ELP1: variants seen among roughly 807,000 people sequenced by gnomAD.
ELP1 encodes the protein elongator acetyltransferase complex subunit 1, also known as elongator complex protein 1.
In ELP1, 131 loss-of-function variants were observed where a neutral mutation model predicts 183.2. That is an observed-to-expected ratio of 0.72 (90% CI 0.62 to 0.83). The LOEUF (loss-of-function observed/expected upper bound fraction) is 0.83, where lower values mean the gene tolerates loss of function less well. Among genes scored for constraint, ELP1 ranks in the 40% least tolerant of loss-of-function variants. ELP1 has a pLI of 0.00. For missense variants in ELP1, 1,550 were observed against 1,594.9 expected (o/e 0.97, Z 0.48); for synonymous variants, 555 against 569.0 (o/e 0.98, Z 0.35).
chr9:108,913,002 C>T (rs976980239), intron 10 of ELP1, among the ~76,000 whole-genome samples: 2 of 151,944 alleles, frequency 1.3e-5, no homozygotes, highest in African/African-American at 2.4e-5. Flanking sequence ...CCTTGTGATC[C>T]GCCTGCCTCG....
intron 20 of ELP1, 37 bp downstream of exon 20, chr9:108,899,785 C>G: frequency 1.1e-5 from 16 of 1,521,168 alleles, no homozygotes; most frequent in Non-Finnish European, 1.5e-5. Flanking sequence ...ACATAAATCA[C>G]AAGCTAACTA....
rs2132003172 is a variant in ELP1, at chr9:108,906,327, TCATC to T, written c.1615_1618del (p.Asp539LysfsTer18). On this transcript the variant is annotated frameshift_variant, in exon 14 of 37. Coordinates refer to ENST00000374647, the MANE Select transcript of ELP1 (RefSeq NM_003640.5). LOFTEE classifies it high-confidence loss of function. ...CCTGACATTGAGCTGTCCATGCTCT[TCATC>T]CATCTCAGAAGAAGCTGCAGTCAAA... 1 of 1,614,034 alleles carries T rather than the reference TCATC, an allele frequency of 6.2e-7. No homozygotes were observed. The highest frequency in any genetic ancestry group is 8.5e-7 in the Non-Finnish European group (1 of 1,179,886).
chr9:108,909,238 C>A (rs2132009527), intron 12 of ELP1, among the ~76,000 whole-genome samples: 1 of 152,226 alleles, frequency 6.6e-6, no homozygotes, highest in Middle Eastern at 3.4e-3. Flanking sequence ...ACAGCACTTG[C>A]CATCTGATAG....
rs1442136727 is a variant in ELP1, at chr9:108,894,023, A to C, written c.2780T>G (p.Met927Arg). 4.4e-6 allele frequency: 7 copies of C among 1,581,990 alleles called. No individual in the cohort carries two copies. Among genetic ancestry groups the C allele is most frequent in the Non-Finnish European group, 6.1e-6 (7 of 1,151,312 alleles). ...YLPFLNTLKK[M>R]ETNYQRFTID... ...AGTAAACCGCTGATAATTAGTTTCCATTTTCTTAAGTGTATTAAGAAATGG... is the reference window on the plus strand; with the variant it reads ...AGTAAACCGCTGATAATTAGTTTCCCTTTTCTTAAGTGTATTAAGAAATGG... Residue 927 changes from methionine (M) to arginine (R), a missense_variant, in exon 26 of 37, where the codon ATG becomes AGG. By Grantham distance (91) the Met-to-Arg change is moderately conservative (BLOSUM62 -1). Transcript: ENST00000374647.
At chr9:108,872,127 G>A (rs1406007708) in intron 36 of ELP1, among the ~76,000 whole-genome samples, 2 of 152,302 alleles carry the variant, frequency 1.3e-5, no homozygotes, top group East Asian at 1.9e-4. Flanking sequence ...TACATTAAAC[G>A]TGATAAAAAA....
At chr9:108,902,629 T>C (rs1828852836) in intron 16 of ELP1, among the ~76,000 whole-genome samples, 1 of 152,218 alleles carries the variant, frequency 6.6e-6, no homozygotes, top group African/African-American at 2.4e-5. Flanking sequence ...ATTATCTCAT[T>C]TAGTCTTCTG....
chr9:108,882,594 C>CTTTT (rs534835923), intron 29 of ELP1, among the ~76,000 whole-genome samples: 1 of 136,596 alleles, frequency 7.3e-6, no homozygotes, highest in Non-Finnish European at 1.6e-5. Context: ...TTTTTTTGTT[C>CTTTT]TTTTTTTTTT....
intron 28 of ELP1, 118 bp from the exon 29 acceptor site, chr9:108,889,511 G>T: frequency 1.1e-6 from 1 of 909,778 alleles, no homozygotes; most frequent in Non-Finnish European, 1.8e-6. Flanking sequence ...TTCTGTGAGG[G>T]AATAGGTATA....
intron 3 of ELP1, among the ~76,000 whole-genome samples, chr9:108,928,838 CA>C (rs545601009): frequency 5.8e-4 from 89 of 152,228 alleles, no homozygotes; most frequent in Non-Finnish European, 1.0e-3. Flanking sequence ...CCATGAACTG[CA>C]AGTAAAGGTT....
intron 6 of ELP1, 88 bp downstream of exon 6, chr9:108,922,754 C>T (rs770427522): frequency 2.2e-6 from 2 of 896,754 alleles, no homozygotes; most frequent in South Asian, 1.3e-5. Flanking sequence ...TCATTACTGG[C>T]ATCTAAGTGG....
chr9:108,926,593 G>T lies in ELP1; in HGVS notation c.396C>A (p.Thr132=). 1 of 1,612,126 alleles carries T rather than the reference G, an allele frequency of 6.2e-7. No homozygotes were observed. Residue 132 remains threonine (T), a synonymous_variant, in exon 5 of 37, where the codon ACC becomes ACA. Coordinates refer to ENST00000374647, the MANE Select transcript of ELP1 (RefSeq NM_003640.5). ...ELVLLATGQQ[T]LIMMTKDFEP... is the part of the protein sequence containing the mutation. ...CAAAATCTTTTGTCATCATAATCAG[G>T]GTCTGTTGACCTTAGAGAAACACAA...
At chr9:108,903,822 T>TACAC (rs1491534328) in intron 14 of ELP1, among the ~76,000 whole-genome samples, 153 bp from the exon 15 acceptor site, 156 of 55,234 alleles carry the variant, frequency 2.8e-3, no homozygotes, top group African/African-American at 8.1e-3. Flanking sequence ...CACCCAATAC[T>TACAC]ATACACACAC....
chr9:108,907,759 G>T (rs1459199641), intron 13 of ELP1, among the ~76,000 whole-genome samples: 4 of 152,160 alleles, frequency 2.6e-5, no homozygotes, highest in Non-Finnish European at 5.9e-5. Context: ...TCTCACAGAT[G>T]TGGCATTATA....
intron 14 of ELP1, among the ~76,000 whole-genome samples, chr9:108,904,068 C>T (rs1828925102): frequency 6.6e-6 from 1 of 152,154 alleles, no homozygotes; most frequent in Non-Finnish European, 1.5e-5. Context: ...AATATCATTT[C>T]TGTCTGCTTA....
At chr9:108,914,415 G>GGGT (rs1829354701) in intron 10 of ELP1, among the ~76,000 whole-genome samples, 1 of 47,146 alleles carries the variant, frequency 2.1e-5, no homozygotes, top group African/African-American at 1.0e-4. Context: ...AAAAAAAAAG[G>GGGT]GGGGGGGGGT....
rs144740518 is a variant in ELP1, at chr9:108,906,651, C to A, written c.1461-166G>T. On this transcript the variant is annotated intron_variant, in intron 13 of 36. Coordinates refer to ENST00000374647, the MANE Select transcript of ELP1 (RefSeq NM_003640.5). ...AAATACTACAAAATCTAAAATTAAT[C>A]TTTGTCTGGCTTAAGAATACGTTTT... Among the ~76,000 whole-genome samples the A allele has an allele frequency of 1.8e-3, 277 of 152,276 alleles. 2 individuals are homozygous for A. The highest frequency in any genetic ancestry group is 6.3e-3 in the African/African-American group (261 of 41,558).
chr9:108,870,987 T>C (rs1251553401), intron 36 of ELP1, among the ~76,000 whole-genome samples: 4 of 150,152 alleles, frequency 2.7e-5, no homozygotes, highest in African/African-American at 9.9e-5. Flanking sequence ...TTTTTTTTTT[T>C]TTTTTTGTGC....
chr9:108,906,520 A>G (rs905106223), intron 13 of ELP1, 35 bp from the exon 14 acceptor site: 1 of 1,584,240 alleles, frequency 6.3e-7, no homozygotes. Flanking sequence ...CAAGACATGA[A>G]TAAAACTTAA....
At chr9:108,892,519 C>T (rs1828379824) in intron 27 of ELP1, among the ~76,000 whole-genome samples, 1 of 152,172 alleles carries the variant, frequency 6.6e-6, no homozygotes, top group South Asian at 2.1e-4. Flanking sequence ...CACTTTGTAG[C>T]TCTGGATCCT....
Sources: allele counts gnomAD v4.1 joint callset (sites outside exome capture counted in the v4.1 genomes callset), GRCh38; gene constraint gnomAD v4.1.1; transcripts MANE v1.5; gene names NCBI Gene and HGNC (gene_info 2026-07-23, HGNC 2026-07-21).